The following MARCHF5 variants were observed in gnomAD, a reference collection of about 807,000 sequenced individuals.
MARCHF5 encodes membrane associated ring-CH-type finger 5, also known as E3 ubiquitin-protein ligase MARCHF5.
In MARCHF5, 5 loss-of-function variants were observed where a neutral mutation model predicts 36.5. The ratio of observed to expected loss-of-function variants is 0.14; its 90% CI spans 0.07 to 0.29. MARCHF5 has a LOEUF of 0.29. Among genes scored for constraint, MARCHF5 ranks in the 10% least tolerant of loss-of-function variants. The probability of loss-of-function intolerance (pLI) is 1.00; values close to 1 mark genes in which losing one functional copy is unlikely to be tolerated. For synonymous variants in MARCHF5, 103 were observed against 109.9 expected (o/e 0.94, Z 0.39); for missense variants, 179 against 336.3 (o/e 0.53, Z 3.66).
intron 2 of MARCHF5, among the ~76,000 whole-genome samples, chr10:92,332,091 A>G (rs1193958331): frequency 6.7e-6 from 1 of 148,394 alleles, no homozygotes; most frequent in Non-Finnish European, 1.5e-5. Flanking sequence ...GTCAGATACT[A>G]TTTTGGACCA....
At position 92,300,318 on chromosome 10, in the gene MARCHF5, T is replaced by TA. The variant is rs899806044; in HGVS notation, c.35+8800dup. On this transcript the variant is annotated intron_variant, in intron 1 of 5. Coordinates refer to ENST00000358935, the MANE Select transcript of MARCHF5 (RefSeq NM_017824.5). ...AACATGGAGAAACCCTGTGTCTACT[T>TA]AAAAAAAAAAAGAAAGAAAGAAAAA... Among the ~76,000 whole-genome samples the TA allele has an allele frequency of 6.1e-4, 89 of 145,028 alleles. No individual in the cohort carries two copies. The East Asian group carries it at 9.4e-3, about 15-fold the overall frequency.
intron 1 of MARCHF5, among the ~76,000 whole-genome samples, chr10:92,296,523 G>A (rs1258243616): frequency 6.6e-6 from 1 of 152,104 alleles, no homozygotes; most frequent in African/African-American, 2.4e-5. Flanking sequence ...TGAATTTACA[G>A]AGAACAATGC....
At chr10:92,333,712 A>G in intron 2 of MARCHF5, 2 of 952,028 alleles carry the variant, frequency 2.1e-6, no homozygotes, top group Non-Finnish European at 2.5e-6. Context: ...AAGTTAAGTT[A>G]GTCTTTGCTG....
At chr10:92,309,444 T>C (rs2135185010) in intron 1 of MARCHF5, among the ~76,000 whole-genome samples, 1 of 152,328 alleles carries the variant, frequency 6.6e-6, no homozygotes, top group East Asian at 1.9e-4. Context: ...TAAAATGTGA[T>C]TCACCATAAT....
chr10:92,291,872 C>A (rs1402940318), intron 1 of MARCHF5, among the ~76,000 whole-genome samples: 1 of 151,952 alleles, frequency 6.6e-6, no homozygotes, highest in Non-Finnish European at 1.5e-5. Context: ...TGTTTGTCAG[C>A]GATGTCACTG....
At chr10:92,324,464 C>T (rs939441754) in intron 2 of MARCHF5, among the ~76,000 whole-genome samples, 4 of 152,266 alleles carry the variant, frequency 2.6e-5, no homozygotes, top group Admixed American at 2.6e-4. Flanking sequence ...TGGGTTCATG[C>T]CATTCTCCTG....
At chr10:92,297,005 A>G (rs1842954823) in intron 1 of MARCHF5, among the ~76,000 whole-genome samples, 1 of 152,160 alleles carries the variant, frequency 6.6e-6, no homozygotes, top group Non-Finnish European at 1.5e-5. Context: ...TTCCAGATAT[A>G]TGTAAAAAAT....
chr10:92,327,585 A>G (rs1843380419), intron 2 of MARCHF5, among the ~76,000 whole-genome samples: 1 of 152,228 alleles, frequency 6.6e-6, no homozygotes, highest in Non-Finnish European at 1.5e-5. Flanking sequence ...TGGATATCCT[A>G]TAATTGGCTT....
At chr10:92,298,808 C>T (rs1842977624) in intron 1 of MARCHF5, among the ~76,000 whole-genome samples, 5 of 152,168 alleles carry the variant, frequency 3.3e-5, no homozygotes, top group Admixed American at 3.3e-4. Context: ...AGTGACCCTC[C>T]TGCCTCAGCC....
chr10:92,297,564 C>G (rs1842962493), intron 1 of MARCHF5, among the ~76,000 whole-genome samples: 4 of 149,462 alleles, frequency 2.7e-5, no homozygotes, highest in African/African-American at 9.9e-5. Context: ...TCTCGGCTCA[C>G]TGTTGCAACC....
intron 2 of MARCHF5, among the ~76,000 whole-genome samples, chr10:92,327,866 AG>A (rs1019026529): frequency 6.6e-6 from 1 of 152,154 alleles, no homozygotes; most frequent in Non-Finnish European, 1.5e-5. Context: ...CTAGCATAAA[AG>A]GGAAAAAAAA....
chr10:92,302,021 A>G (rs543667900), intron 1 of MARCHF5, among the ~76,000 whole-genome samples: 54 of 152,294 alleles, frequency 3.5e-4, no homozygotes, highest in African/African-American at 1.2e-3. Context: ...AGACCACGCC[A>G]TTGCACTCCA....
In MARCHF5 at chr10:92,352,779, AT is replaced by A. The variant is rs1434462312; in HGVS notation, c.*1575del. 2.0e-5 allele frequency: 3 copies of A among 152,588 alleles called. No individual in the cohort carries two copies. Among genetic ancestry groups the A allele is most frequent in the Non-Finnish European group, 4.4e-5 (3 of 68,022 alleles). 9.5% of individuals were successfully genotyped at this position (152,588 alleles called of 1,614,324 possible). A position where few individuals can be genotyped will look rare whatever the true frequency, so the allele number is the denominator to read the frequency against. On this transcript the variant is annotated 3_prime_UTR_variant, in exon 6 of 6. Coordinates refer to ENST00000358935, the MANE Select transcript of MARCHF5 (RefSeq NM_017824.5). ...ACTGTTGAACATTCAAATTTGTATT[AT>A]TTGGAGATGAAGATTTGACTAACAG... is the stretch of plus-strand genomic sequence containing the variant.
intron 2 of MARCHF5, among the ~76,000 whole-genome samples, chr10:92,314,480 A>G (rs557289273): frequency 6.6e-6 from 1 of 152,126 alleles, no homozygotes; most frequent in East Asian, 1.9e-4. Context: ...TGTGTCTACT[A>G]AAAATACAAA....
chr10:92,342,075 G>A (rs1306579321), intron 3 of MARCHF5, among the ~76,000 whole-genome samples: 6 of 150,132 alleles, frequency 4.0e-5, no homozygotes, highest in Middle Eastern at 3.4e-3. Context: ...CTGGAGGTAC[G>A]GGTGTAAGCC....
chr10:92,323,729 G>A (rs1423923406), intron 2 of MARCHF5, among the ~76,000 whole-genome samples: 1 of 152,056 alleles, frequency 6.6e-6, no homozygotes, highest in African/African-American at 2.4e-5. Context: ...TCTTTTTGTA[G>A]CTTGGTAGAT....
intron 2 of MARCHF5, among the ~76,000 whole-genome samples, chr10:92,328,449 C>G (rs1843393945): frequency 6.8e-6 from 1 of 147,618 alleles, no homozygotes; most frequent in Non-Finnish European, 1.5e-5. Context: ...TTCTTTTTTA[C>G]ATTTATTGTG....
intron 1 of MARCHF5, among the ~76,000 whole-genome samples, chr10:92,298,477 A>G (rs1030822888): frequency 3.3e-5 from 5 of 152,180 alleles, no homozygotes; most frequent in Admixed American, 6.5e-5. Flanking sequence ...AGTATTGCCA[A>G]TCAATCTAAA....
chr10:92,307,942 C>G (rs1263380676), intron 1 of MARCHF5, among the ~76,000 whole-genome samples: 1 of 150,982 alleles, frequency 6.6e-6, no homozygotes, highest in African/African-American at 2.4e-5. Context: ...TATGCTTCCC[C>G]CCTTTTTTTT....
Sources: gnomAD v4.1 joint callset for allele counts (sites outside exome capture counted in the v4.1 genomes callset) on GRCh38, gnomAD v4.1.1 for gene constraint, MANE v1.5 for transcripts, NCBI Gene and HGNC (gene_info 2026-07-23, HGNC 2026-07-21) for gene names.